PIGU: variants seen among roughly 807,000 people sequenced by gnomAD.
The protein encoded by PIGU is GPI-anchor transamidase component PIGU.
Under a neutral mutation model 49.9 loss-of-function variants are expected in PIGU, and 24 were observed. That is an observed-to-expected ratio of 0.48 (90% CI 0.35 to 0.68). PIGU has a LOEUF of 0.68. PIGU is among the 30% of genes least tolerant of loss of function. The pLI is 0.01. For synonymous variants in PIGU, 220 were observed against 205.7 expected, an observed-to-expected ratio of 1.07 and a Z score of -0.59; for missense variants, 490 against 532.6, an observed-to-expected ratio of 0.92 and a Z score of 0.79.
At chr20:34,595,095 C>CA (rs71194627) in intron 7 of PIGU, among the ~76,000 whole-genome samples, 26,943 of 71,428 alleles carry the variant, frequency 0.38, 5,169 homozygotes, top group Non-Finnish European at 0.43. Context: ...GACTCCGTCT[C>CA]AAAAAAAAAA....
At chr20:34,638,837 G>C (rs556024368) in intron 4 of PIGU, among the ~76,000 whole-genome samples, 36 of 152,202 alleles carry the variant, frequency 2.4e-4, no homozygotes, top group Non-Finnish European at 4.7e-4. Flanking sequence ...AAGAAAGGTA[G>C]GCAATCTTAT....
At chr20:34,618,136 C>T (rs1985080821) in intron 6 of PIGU, among the ~76,000 whole-genome samples, 1 of 152,120 alleles carries the variant, frequency 6.6e-6, no homozygotes, top group Non-Finnish European at 1.5e-5. Flanking sequence ...AACCTAAGGC[C>T]ACAAAGTTTA....
chr20:34,667,842 T>C (rs1987151094), intron 1 of PIGU, among the ~76,000 whole-genome samples: 2 of 152,070 alleles, frequency 1.3e-5, no homozygotes, highest in South Asian at 4.1e-4. Context: ...AAAATGCTGA[T>C]TAATTACAAA....
intron 7 of PIGU, among the ~76,000 whole-genome samples, chr20:34,604,024 A>C (rs1205533216): frequency 6.6e-6 from 1 of 152,176 alleles, no homozygotes; most frequent in African/African-American, 2.4e-5. Context: ...AGGAGCCAGA[A>C]ATAAAAAATT....
At chr20:34,572,770 C>T (rs956709022) in intron 11 of PIGU, among the ~76,000 whole-genome samples, 2 of 152,172 alleles carry the variant, frequency 1.3e-5, no homozygotes, top group Non-Finnish European at 2.9e-5. Context: ...AAAATTATCT[C>T]AAGACAAAAT....
intron 8 of PIGU, among the ~76,000 whole-genome samples, chr20:34,586,278 C>T (rs1381028962): frequency 1.3e-5 from 2 of 152,184 alleles, no homozygotes; most frequent in Admixed American, 6.5e-5. Context: ...ACAAATAGGG[C>T]ACGCAGAGGG....
Position 34,634,609 on chromosome 20 carries a change from C to A in PIGU, c.529+6G>T, listed in dbSNP as rs1272183127. Reference sequence around the variant, plus strand: ...TGACCTTTGTACTCTCCTTTCAGGGCCTTACCTTTTATCGTAGTCAAAATG... The same window carrying A: ...TGACCTTTGTACTCTCCTTTCAGGGACTTACCTTTTATCGTAGTCAAAATG... On this transcript the variant is annotated splice_donor_region_variant and intron_variant, in intron 6 of 11. Transcript: ENST00000217446. 6.2e-7 allele frequency: 1 copy of A among 1,611,614 alleles called. No individual in the cohort carries two copies.
chr20:34,670,192 CT>C (rs11476375), intron 1 of PIGU, among the ~76,000 whole-genome samples: 54,241 of 137,156 alleles, frequency 0.4, 9,935 homozygotes, highest in Middle Eastern at 0.45. Context: ...GTAATAACGG[CT>C]TTTTTTTTTT....
intron 1 of PIGU, among the ~76,000 whole-genome samples, chr20:34,666,644 C>T (rs1036261601): frequency 8.0e-5 from 12 of 149,872 alleles, no homozygotes; most frequent in Admixed American, 2.7e-4. Flanking sequence ...CAGCCTCCCA[C>T]GTAGCTGGGA....
chr20:34,673,868 T>C lies in PIGU; in HGVS notation c.130+3088A>G, dbSNP rs139797169. ...AGGAGATCAAGACCAGCCTGGCTAA[T>C]ATGGTGAAACCTCGTGTCTACTAAA... is the stretch of plus-strand genomic sequence containing the variant. On this transcript the variant is annotated intron_variant, in intron 1 of 11. Transcript: ENST00000217446. Among the ~76,000 whole-genome samples the C allele has an allele frequency of 1.1e-3, 171 of 150,622 alleles. 2 individuals are homozygous for C. In the East Asian group the frequency reaches 0.023, roughly 21 times the overall value.
intron 5 of PIGU, among the ~76,000 whole-genome samples, chr20:34,637,231 TC>T (rs1021484933): frequency 5.3e-5 from 8 of 152,246 alleles, no homozygotes; most frequent in Non-Finnish European, 1.2e-4. Flanking sequence ...AACTTGTTTG[TC>T]TTGTTTACTG....
chr20:34,572,179 TTTAC>T (rs1270470731), intron 11 of PIGU, among the ~76,000 whole-genome samples: 2 of 152,088 alleles, frequency 1.3e-5, no homozygotes, highest in African/African-American at 4.8e-5. Context: ...ATTTTATTTA[TTTAC>T]TATTTATTAT....
At chr20:34,629,177 AG>A (rs1985607833) in intron 6 of PIGU, among the ~76,000 whole-genome samples, 2 of 151,918 alleles carry the variant, frequency 1.3e-5, no homozygotes, top group Admixed American at 6.6e-5. Flanking sequence ...CACCACGCCC[AG>A]CTAATTTTTG....
chr20:34,616,659 T>G (rs567490275), intron 6 of PIGU, among the ~76,000 whole-genome samples: 1 of 152,272 alleles, frequency 6.6e-6, no homozygotes, highest in Non-Finnish European at 1.5e-5. Context: ...TGTCCTCACT[T>G]CCTATATAAA....
At chr20:34,590,628 T>TAA (rs1983924093) in intron 7 of PIGU, among the ~76,000 whole-genome samples, 1 of 149,166 alleles carries the variant, frequency 6.7e-6, no homozygotes, top group African/African-American at 2.5e-5. Context: ...TAACATAACA[T>TAA]AACATAACAC....
chr20:34,636,457 T>C (rs1985968625), intron 5 of PIGU, among the ~76,000 whole-genome samples: 1 of 151,806 alleles, frequency 6.6e-6, no homozygotes, highest in Admixed American at 6.6e-5. Context: ...GGCAGGAGAA[T>C]TGCTTGAACC....
chr20:34,676,880 T>C (rs1395100932), intron 1 of PIGU, 76 bp downstream of exon 1: 5 of 1,434,108 alleles, frequency 3.5e-6, no homozygotes, highest in Non-Finnish European at 4.7e-6. Context: ...TGGCGGTCAC[T>C]GCCCCCGCCT....
intron 8 of PIGU, among the ~76,000 whole-genome samples, chr20:34,585,937 T>C (rs929751815): frequency 1.3e-5 from 2 of 152,120 alleles, no homozygotes; most frequent in African/African-American, 4.8e-5. Flanking sequence ...ACAGGATCTA[T>C]TTTGGGCATT....
At chr20:34,647,770 C>T (rs1011529427) in intron 2 of PIGU, among the ~76,000 whole-genome samples, 3 of 152,106 alleles carry the variant, frequency 2.0e-5, no homozygotes, top group African/African-American at 7.2e-5. Context: ...ACTTGCTTAA[C>T]GGTCCATTAT....
Sources: allele counts gnomAD v4.1 joint callset (sites outside exome capture counted in the v4.1 genomes callset), GRCh38; gene constraint gnomAD v4.1.1; transcripts MANE v1.5; gene names NCBI Gene and HGNC (gene_info 2026-07-23, HGNC 2026-07-21).